UBE2E2: variants seen among roughly 807,000 people sequenced by gnomAD.
UBE2E2 encodes ubiquitin-conjugating enzyme E2 E2.
UBE2E2 carries 6 observed loss-of-function variants against 24.7 expected under a neutral mutation model. The observed-to-expected ratio is 0.24, with a 90% CI of 0.13 to 0.48. The LOEUF is 0.48. Ranked by LOEUF, UBE2E2 falls within the 20% of genes least tolerant of loss-of-function variation. The pLI, the probability that UBE2E2 is intolerant of heterozygous loss-of-function variation, is 0.99. For synonymous variants in UBE2E2, 104 were observed against 83.6 expected, an observed-to-expected ratio of 1.24 and a Z score of -1.33; for missense variants, 169 against 245.0, an observed-to-expected ratio of 0.69 and a Z score of 2.07.
intron 3 of UBE2E2, among the ~76,000 whole-genome samples, chr3:23,351,391 A>G (rs574074336): frequency 1.8e-4 from 27 of 152,232 alleles, no homozygotes; most frequent in Non-Finnish European, 3.4e-4. Context: ...TAACAATATT[A>G]ACTTTAAATG....
intron 4 of UBE2E2, among the ~76,000 whole-genome samples, chr3:23,516,509 A>T (rs10510538): frequency 6.6e-6 from 1 of 152,142 alleles, no homozygotes; most frequent in African/African-American, 2.4e-5. Context: ...CACTAGGCTC[A>T]GTATAAAGTA....
At chr3:23,398,064 G>A (rs1697122178) in intron 3 of UBE2E2, among the ~76,000 whole-genome samples, 4 of 152,140 alleles carry the variant, frequency 2.6e-5, no homozygotes, top group Non-Finnish European at 5.9e-5. Context: ...TGTAATCCCA[G>A]CACTTTGGGA....
intron 3 of UBE2E2, 140 bp from the exon 4 acceptor site, chr3:23,499,468 A>G (rs1006726528): frequency 6.8e-6 from 7 of 1,036,488 alleles, no homozygotes; most frequent in Admixed American, 2.9e-5. Context: ...TATTGGCAAT[A>G]TGAATCTTAA....
intron 5 of UBE2E2, among the ~76,000 whole-genome samples, chr3:23,563,069 T>G (rs1695975495): frequency 6.6e-6 from 1 of 152,208 alleles, no homozygotes; most frequent in Non-Finnish European, 1.5e-5. Context: ...CTCTATCTCC[T>G]TCAGTTCTTC....
At chr3:23,548,423 A>G (rs978910588) in intron 5 of UBE2E2, among the ~76,000 whole-genome samples, 4 of 152,132 alleles carry the variant, frequency 2.6e-5, no homozygotes, top group African/African-American at 9.7e-5. Flanking sequence ...ACATGCACAA[A>G]CCCCACCTTC....
intron 3 of UBE2E2, among the ~76,000 whole-genome samples, chr3:23,245,022 C>T (rs777083473): frequency 6.6e-6 from 1 of 152,028 alleles, no homozygotes; most frequent in Non-Finnish European, 1.5e-5. Context: ...TTCAGATACT[C>T]CTTATTTTCT....
At chr3:23,348,801 T>G (rs969261240) in intron 3 of UBE2E2, among the ~76,000 whole-genome samples, 1 of 144,712 alleles carries the variant, frequency 6.9e-6, no homozygotes, top group Non-Finnish European at 1.5e-5. Context: ...CTAGGGTTTC[T>G]CTGGGTATGG....
chr3:23,296,043 T>A (rs1458235107), intron 3 of UBE2E2, among the ~76,000 whole-genome samples: 1 of 152,168 alleles, frequency 6.6e-6, no homozygotes, highest in African/African-American at 2.4e-5. Flanking sequence ...CATTTCTAAA[T>A]AGAAGATAGA....
intron 3 of UBE2E2, among the ~76,000 whole-genome samples, chr3:23,481,960 A>T (rs899601698): frequency 6.6e-6 from 1 of 152,248 alleles, no homozygotes; most frequent in African/African-American, 2.4e-5. Flanking sequence ...ATTGATGTAG[A>T]TACCATGACT....
intron 3 of UBE2E2, among the ~76,000 whole-genome samples, chr3:23,347,589 A>G (rs1038980484): frequency 3.3e-5 from 5 of 152,174 alleles, no homozygotes; most frequent in Admixed American, 3.3e-4. Context: ...GCATTAGGAG[A>G]AATACCTCAT....
At chr3:23,558,340 A>T (rs1160489780) in intron 5 of UBE2E2, among the ~76,000 whole-genome samples, 1 of 152,184 alleles carries the variant, frequency 6.6e-6, no homozygotes, top group African/African-American at 2.4e-5. Flanking sequence ...TCACTTCATT[A>T]TTCCTCCTTC....
At chr3:23,266,813 T>A (rs1698061948) in intron 3 of UBE2E2, among the ~76,000 whole-genome samples, 1 of 152,122 alleles carries the variant, frequency 6.6e-6, no homozygotes, top group Non-Finnish European at 1.5e-5. Context: ...AGTAAAGTTC[T>A]CCTCAGCAAA....
intron 3 of UBE2E2, among the ~76,000 whole-genome samples, chr3:23,236,333 T>C (rs1697111540): frequency 6.6e-6 from 1 of 152,164 alleles, no homozygotes; most frequent in African/African-American, 2.4e-5. Flanking sequence ...TTCAGTAATT[T>C]TGCAAGATTA....
chr3:23,436,298 C>T (rs186194032), intron 3 of UBE2E2, among the ~76,000 whole-genome samples: 2 of 152,308 alleles, frequency 1.3e-5, no homozygotes, highest in East Asian at 3.9e-4. Flanking sequence ...TGTGAACTTT[C>T]ATGACTCCAG....
At chr3:23,563,121 G>A (rs1695976879) in intron 5 of UBE2E2, among the ~76,000 whole-genome samples, 1 of 152,016 alleles carries the variant, frequency 6.6e-6, no homozygotes, top group South Asian at 2.1e-4. Flanking sequence ...GCTTTTGAAT[G>A]TGTTTGCTCT....
chr3:23,394,821 G>A (rs1697035996), intron 3 of UBE2E2, among the ~76,000 whole-genome samples: 1 of 151,838 alleles, frequency 6.6e-6, no homozygotes, highest in Non-Finnish European at 1.5e-5. Context: ...TTCTACCTTT[G>A]AATAGCCAGC....
chr3:23,360,324 C>T (rs1187919163), intron 3 of UBE2E2, among the ~76,000 whole-genome samples: 4 of 152,122 alleles, frequency 2.6e-5, no homozygotes, highest in Non-Finnish European at 5.9e-5. Flanking sequence ...TGAGTCCTTT[C>T]TCCCTATTAC....
chr3:23,485,497 G>A (rs1044581596), intron 3 of UBE2E2, among the ~76,000 whole-genome samples: 1 of 151,924 alleles, frequency 6.6e-6, no homozygotes, highest in African/African-American at 2.4e-5. Flanking sequence ...TCTTGAACAG[G>A]TCTGACATTT....
Position 23,369,037 on chromosome 3 carries a change from T to C in UBE2E2, c.228-130571T>C, listed in dbSNP as rs140380531. ...AATTTAGATATTTTACTGTTTTTTA[T>C]AGCTGCAGAAACTGGAATTGCAGAT... is the stretch of plus-strand genomic sequence containing the variant. On this transcript the variant is annotated intron_variant, in intron 3 of 5. Coordinates refer to ENST00000396703, the MANE Select transcript of UBE2E2 (RefSeq NM_152653.4). Among the ~76,000 whole-genome samples the C allele has an allele frequency of 2.0e-5, 3 of 152,332 alleles. No individual in the cohort carries two copies. The East Asian group carries it at 5.8e-4, about 29-fold the overall frequency.
Sources: gnomAD v4.1 joint callset for allele counts (sites outside exome capture counted in the v4.1 genomes callset) on GRCh38, gnomAD v4.1.1 for gene constraint, MANE v1.5 for transcripts, NCBI Gene and HGNC (gene_info 2026-07-23, HGNC 2026-07-21) for gene names.